DENND5B: variants seen among roughly 807,000 people sequenced by gnomAD.
DENND5B encodes DENN domain-containing protein 5B.
A neutral mutation model predicts 140.6 loss-of-function variants in DENND5B; 34 were observed. That is an observed-to-expected ratio of 0.24 (90% CI 0.18 to 0.32). The LOEUF (loss-of-function observed/expected upper bound fraction) is 0.32, where lower values mean the gene tolerates loss of function less well. Among genes scored for constraint, DENND5B ranks in the 10% least tolerant of loss-of-function variants. The pLI, the probability that DENND5B is intolerant of heterozygous loss-of-function variation, is 1.00. For missense variants in DENND5B, 1,142 were observed against 1,560.2 expected, an observed-to-expected ratio of 0.73 and a Z score of 4.52; for synonymous variants, 551 against 562.1, an observed-to-expected ratio of 0.98 and a Z score of 0.28.
chr12:31,538,012 A>G (rs779750241), intron 1 of DENND5B, among the ~76,000 whole-genome samples: 1 of 152,176 alleles, frequency 6.6e-6, no homozygotes, highest in Non-Finnish European at 1.5e-5. Flanking sequence ...TAAAGCAAAT[A>G]TTGTTACAGC....
At position 31,551,494 on chromosome 12, in the gene DENND5B, C is replaced by T. The variant is rs559558734; in HGVS notation, c.127+39212G>A. Among the ~76,000 whole-genome samples the T allele has an allele frequency of 8.3e-4, 126 of 152,192 alleles. 2 individuals carry two copies. Among genetic ancestry groups the T allele is most frequent in the African/African-American group, 2.2e-4 (9 of 41,518 alleles). ...TGTAGTATAGTTTGAAGTCAGGTAG[C>T]GTGATGCCTCCAGCTTTGTTCTTTT... is the stretch of plus-strand genomic sequence containing the variant. On this transcript the variant is annotated intron_variant, in intron 1 of 20. Coordinates refer to ENST00000389082, the MANE Select transcript of DENND5B (RefSeq NM_144973.4).
At chr12:31,413,848 T>G (rs1942590200) in intron 12 of DENND5B, among the ~76,000 whole-genome samples, 1 of 152,196 alleles carries the variant, frequency 6.6e-6, no homozygotes, top group Admixed American at 6.5e-5. Flanking sequence ...TGTGGCAGAC[T>G]CATAGATATC....
intron 1 of DENND5B, among the ~76,000 whole-genome samples, chr12:31,539,802 C>T (rs903440758): frequency 6.6e-6 from 1 of 151,972 alleles, no homozygotes; most frequent in South Asian, 2.1e-4. Context: ...AAAACCTTTC[C>T]TCTGAGATCT....
rs1358641215 is a variant in DENND5B at position 31,479,942 on chromosome 12, T to C, written c.551A>G (p.Asp184Gly). ...TATACTTTTTGAAACATACAGGGTG[T>C]CTCTGCTAATATCATAGGAGTTGTA... Reference protein sequence around the residue: ...QRYNSYDISRDTLYVSKSICL... With the variant: ...QRYNSYDISRGTLYVSKSICL... Residue 184 changes from aspartate to glycine, a missense_variant, in exon 3 of 21, where the codon GAC becomes GGC. By Grantham distance (94) the Asp-to-Gly change is moderately conservative (BLOSUM62 -1). Coordinates refer to ENST00000389082, the MANE Select transcript of DENND5B (RefSeq NM_144973.4). 6.2e-7 allele frequency: 1 copy of C among 1,613,894 alleles called. No homozygotes were observed. The highest frequency in any genetic ancestry group is 8.5e-7 in the Non-Finnish European group (1 of 1,179,874).
intron 1 of DENND5B, among the ~76,000 whole-genome samples, chr12:31,579,240 A>T (rs1950126378): frequency 6.6e-6 from 1 of 152,246 alleles, no homozygotes; most frequent in African/African-American, 2.4e-5. Context: ...TGAGAAAGCT[A>T]ATCTTGCGGC....
At chr12:31,461,732 T>G (rs1019123796) in intron 3 of DENND5B, among the ~76,000 whole-genome samples, 2 of 152,190 alleles carry the variant, frequency 1.3e-5, no homozygotes, top group African/African-American at 4.8e-5. Flanking sequence ...AAAAGAATGT[T>G]TGGTTTTCAG....
intron 13 of DENND5B, 87 bp downstream of exon 13, chr12:31,413,349 T>C: frequency 6.6e-7 from 1 of 1,510,756 alleles, no homozygotes; most frequent in Non-Finnish European, 9.0e-7. Context: ...CACTTCATAC[T>C]GAAGAAGCCA....
At chr12:31,390,273 G>A (rs918150196) in intron 19 of DENND5B, among the ~76,000 whole-genome samples, 1 of 152,218 alleles carries the variant, frequency 6.6e-6, no homozygotes, top group Non-Finnish European at 1.5e-5. Flanking sequence ...GTAGCCACAA[G>A]TGGCTCCTGA....
At chr12:31,545,950 CAA>C (rs57460264) in intron 1 of DENND5B, among the ~76,000 whole-genome samples, 12 of 36,392 alleles carry the variant, frequency 3.3e-4, no homozygotes, top group East Asian at 1.6e-3. Context: ...GACACTGTCT[CAA>C]AAAAAAAAAA....
chr12:31,387,963 A>G (rs1301897661), intron 20 of DENND5B, among the ~76,000 whole-genome samples, 177 bp from the exon 21 acceptor site: 1 of 152,224 alleles, frequency 6.6e-6, no homozygotes, highest in Non-Finnish European at 1.5e-5. Context: ...TCTGGTAAAA[A>G]GACAGTGATG....
rs751537943 is a variant in DENND5B, at chr12:31,426,418, T to C, written c.2113A>G (p.Met705Val). The stretch of plus-strand genomic sequence containing the variant: ...TTTCCTAAACTTCGTGCCTCTTGCA[T>C]ATATTTCTAAAAAATCAAGGAGTAT... ...GLDNDLREKYMQEARSLGKNL... is the reference protein window; with the variant it reads ...GLDNDLREKYVQEARSLGKNL... Residue 705 changes from methionine to valine, a missense_variant, in exon 9 of 21, where the codon ATG becomes GTG. This residue lies in a region of DENND5B where 708 missense variants were observed against 905.5 expected (regional missense o/e 0.78). Transcript: ENST00000389082. 5.6e-6 allele frequency: 9 copies of C among 1,609,880 alleles called. No homozygotes were observed. Among genetic ancestry groups the C allele is most frequent in the Non-Finnish European group, 7.6e-6 (9 of 1,178,178 alleles).
chr12:31,396,939 G>A (rs1326562086), intron 17 of DENND5B, among the ~76,000 whole-genome samples: 1 of 152,094 alleles, frequency 6.6e-6, no homozygotes, highest in Admixed American at 6.5e-5. Flanking sequence ...ATGTGATCCA[G>A]GACAATCTCC....
rs67150210 is a variant in DENND5B at position 31,583,308 on chromosome 12, A to G, written c.127+7398T>C. Among the ~76,000 whole-genome samples the G allele has an allele frequency of 2.9e-3, 424 of 145,456 alleles. 5 individuals carry two copies. Among genetic ancestry groups the G allele is most frequent in the African/African-American group, 6.0e-3 (236 of 39,260 alleles). ...CTCAGTCTTTTAAAAAAAAAAAAAA[A>G]AGAGAGAGAGAGAGAAAAGAATGCC... On this transcript the variant is annotated intron_variant, in intron 1 of 20. Coordinates refer to ENST00000389082, the MANE Select transcript of DENND5B (RefSeq NM_144973.4).
At chr12:31,398,894 G>GTTC (rs1941631324) in intron 16 of DENND5B, among the ~76,000 whole-genome samples, 1 of 151,900 alleles carries the variant, frequency 6.6e-6, no homozygotes, top group Non-Finnish European at 1.5e-5. Context: ...GGCCAAGGTG[G>GTTC]GTGGAACACT....
chr12:31,546,024 G>A (rs1295854296), intron 1 of DENND5B, among the ~76,000 whole-genome samples: 3 of 145,112 alleles, frequency 2.1e-5, no homozygotes, highest in African/African-American at 7.7e-5. Context: ...TTTAAAAATG[G>A]AAAGGAAATA....
chr12:31,519,388 T>C (rs1182430892), intron 1 of DENND5B, among the ~76,000 whole-genome samples: 7 of 152,230 alleles, frequency 4.6e-5, no homozygotes, highest in Non-Finnish European at 1.0e-4. Context: ...TGAGTAGATA[T>C]AAACAACTCT....
At chr12:31,587,320 CAGGAG>C (rs1950427348) in intron 1 of DENND5B, among the ~76,000 whole-genome samples, 1 of 152,122 alleles carries the variant, frequency 6.6e-6, no homozygotes, top group Non-Finnish European at 1.5e-5. Flanking sequence ...CTTCCTATTT[CAGGAG>C]AGAAGTTTAT....
intron 1 of DENND5B, among the ~76,000 whole-genome samples, chr12:31,553,138 C>A (rs541793896): frequency 1.3e-5 from 2 of 152,198 alleles, no homozygotes; most frequent in African/African-American, 4.8e-5. Context: ...TTTTCTAGTT[C>A]TTTTAATTGT....
chr12:31,408,223 C>T (rs1194060243), intron 14 of DENND5B, among the ~76,000 whole-genome samples: 1 of 152,028 alleles, frequency 6.6e-6, no homozygotes, highest in East Asian at 1.9e-4. Context: ...CGCTTGATCC[C>T]AGGGGACGGA....
Sources: gnomAD v4.1 joint callset for allele counts (sites outside exome capture counted in the v4.1 genomes callset) on GRCh38, gnomAD v4.1.1 for gene constraint, gnomAD v4.1.1 regional missense constraint, MANE v1.5 for transcripts, NCBI Gene and HGNC (gene_info 2026-07-23, HGNC 2026-07-21) for gene names.